Variants in CMIP observed in about 807,000 individuals in gnomAD.
CMIP encodes C-Maf-inducing protein.
CMIP carries 13 observed loss-of-function variants against 97.3 expected under a neutral mutation model. The observed-to-expected ratio is 0.13, with a 90% CI of 0.09 to 0.21. CMIP has a LOEUF of 0.21. Ranked by LOEUF, CMIP falls within the 10% of genes least tolerant of loss-of-function variation. The pLI is 1.00. For missense variants in CMIP, 847 were observed against 1,024.9 expected, an observed-to-expected ratio of 0.83 and a Z score of 2.37; for synonymous variants, 538 against 436.3, an observed-to-expected ratio of 1.23 and a Z score of -2.91.
chr16:81,456,364 T>C (rs1056930226), intron 1 of CMIP, among the ~76,000 whole-genome samples: 7 of 152,156 alleles, frequency 4.6e-5, no homozygotes, highest in African/African-American at 1.4e-4. Context: ...AGTTCAAGGT[T>C]ACACAGCTGG....
At chr16:81,634,541 C>T (rs889361907) in intron 3 of CMIP, among the ~76,000 whole-genome samples, 25 of 152,176 alleles carry the variant, frequency 1.6e-4, no homozygotes, top group Admixed American at 7.9e-4. Flanking sequence ...GTGGTGAACA[C>T]CATTGAACTC....
intron 19 of CMIP, among the ~76,000 whole-genome samples, chr16:81,706,439 G>A (rs1256383707): frequency 6.6e-6 from 1 of 152,234 alleles, no homozygotes; most frequent in African/African-American, 2.4e-5. Flanking sequence ...GAGCGGCAGC[G>A]CTCGGCCAGT....
chr16:81,654,349 G>A (rs2092461101), intron 4 of CMIP, among the ~76,000 whole-genome samples: 1 of 152,128 alleles, frequency 6.6e-6, no homozygotes, highest in African/African-American at 2.4e-5. Context: ...TGGGATTATA[G>A]GCATGAGCCA....
chr16:81,539,062 G>A (rs562574973), intron 1 of CMIP, among the ~76,000 whole-genome samples: 11 of 152,152 alleles, frequency 7.2e-5, no homozygotes, highest in African/African-American at 2.4e-4. Context: ...CACACCGATG[G>A]GCCGATTACC....
At chr16:81,648,936 T>A (rs1389683073) in intron 3 of CMIP, among the ~76,000 whole-genome samples, 1 of 150,858 alleles carries the variant, frequency 6.6e-6, no homozygotes, top group Non-Finnish European at 1.5e-5. Context: ...GAGTGAGCCC[T>A]CATTGCCTAT....
At chr16:81,597,603 G>T (rs1187265624) in intron 1 of CMIP, among the ~76,000 whole-genome samples, 1 of 150,890 alleles carries the variant, frequency 6.6e-6, no homozygotes, top group East Asian at 2.0e-4. Context: ...CGGGGGGGGG[G>T]GAGTCTCCCA....
intron 1 of CMIP, among the ~76,000 whole-genome samples, chr16:81,543,063 C>T (rs939845500): frequency 6.6e-6 from 1 of 152,108 alleles, no homozygotes; most frequent in Non-Finnish European, 1.5e-5. Flanking sequence ...GAGCCCTGCC[C>T]GCTGGAGCCC....
Position 81,705,615 on chromosome 16 carries a change from C to T in CMIP, c.2197+11C>T. The T allele has an allele frequency of 6.4e-7, 1 of 1,568,086 alleles. No homozygotes were observed. The highest frequency in any genetic ancestry group is 8.7e-7 in the Non-Finnish European group (1 of 1,153,912). On this transcript the variant is annotated intron_variant, in intron 19 of 20. Coordinates refer to ENST00000537098, the MANE Select transcript of CMIP (RefSeq NM_198390.3). ...TGCTGGCCCTGAGCTGTGAGTGCCTCCGGGGCAGCTGGGGGGTGAGGGGCC... is the reference window on the plus strand; with the variant it reads ...TGCTGGCCCTGAGCTGTGAGTGCCTTCGGGGCAGCTGGGGGGTGAGGGGCC...
intron 3 of CMIP, among the ~76,000 whole-genome samples, chr16:81,644,868 C>T (rs1459666456): frequency 6.6e-6 from 1 of 152,174 alleles, no homozygotes; most frequent in Non-Finnish European, 1.5e-5. Flanking sequence ...AGGAGGTAGG[C>T]AAGGGCCCTT....
In CMIP at chr16:81,487,601, T is replaced by A. The variant is rs565304580; in HGVS notation, c.300+42060T>A. On this transcript the variant is annotated intron_variant, in intron 1 of 20. Coordinates refer to ENST00000537098, the MANE Select transcript of CMIP (RefSeq NM_198390.3). ...GAGCGCAAGGCTCTGGGCTTTGTGGTCAGAGAGCGGCTGAGTTCAGATATC... is the reference window on the plus strand; with the variant it reads ...GAGCGCAAGGCTCTGGGCTTTGTGGACAGAGAGCGGCTGAGTTCAGATATC... Among the ~76,000 whole-genome samples the A allele has an allele frequency of 3.3e-5, 5 of 152,302 alleles. No individual in the cohort carries two copies. In the East Asian group the frequency reaches 9.7e-4, roughly 29 times the overall value.
chr16:81,520,611 A>AGAT (rs1372554281), intron 1 of CMIP: 31 of 141,636 alleles, frequency 2.2e-4, no homozygotes, highest in South Asian at 4.5e-4. Context: ...AGAAGATAGA[A>AGAT]AGAAAGAAAA....
chr16:81,511,362 C>G lies in CMIP; in HGVS notation c.300+65821C>G, dbSNP rs184521991. Among the ~76,000 whole-genome samples, 36 of 152,258 alleles carry G rather than the reference C, an allele frequency of 2.4e-4. 1 individual carries two copies. The highest frequency in any genetic ancestry group is 8.4e-4 in the African/African-American group (35 of 41,544). ...CTAGTTATTTCATTCATGATTTTTA[C>G]TATTGGTTTGCTCATTTAAGATTCC... On this transcript the variant is annotated intron_variant, in intron 1 of 20. Transcript: ENST00000537098.
intron 1 of CMIP, among the ~76,000 whole-genome samples, 198 bp downstream of exon 1, chr16:81,445,739 C>G (rs1305792837): frequency 6.6e-6 from 1 of 152,122 alleles, no homozygotes; most frequent in Non-Finnish European, 1.5e-5. Context: ...CCCAAACCAG[C>G]CGACCGGGCT....
intron 10 of CMIP, among the ~76,000 whole-genome samples, chr16:81,680,796 A>G (rs891850371): frequency 6.6e-6 from 1 of 152,218 alleles, no homozygotes; most frequent in African/African-American, 2.4e-5. Context: ...CCTCCAGGCC[A>G]GAGAGTGGCC....
chr16:81,452,900 TTTTTG>T (rs1906320451), intron 1 of CMIP, among the ~76,000 whole-genome samples: 1 of 149,356 alleles, frequency 6.7e-6, no homozygotes, highest in African/African-American at 2.5e-5. Flanking sequence ...TTTTTTTTTT[TTTTTG>T]CAAACCTGGC....
intron 1 of CMIP, among the ~76,000 whole-genome samples, chr16:81,580,787 ACT>A (rs775367292): frequency 1.3e-5 from 2 of 151,772 alleles, no homozygotes; most frequent in Non-Finnish European, 2.9e-5. Flanking sequence ...ACAGAGCGAG[ACT>A]CTGTCTCAAA....
chr16:81,550,959 T>A (rs1005221000), intron 1 of CMIP, among the ~76,000 whole-genome samples: 4 of 140,514 alleles, frequency 2.8e-5, no homozygotes, highest in Non-Finnish European at 6.1e-5. Context: ...CACACCCCAG[T>A]CCCGTCACAC....
At chr16:81,692,302 C>T (rs958321213) in intron 11 of CMIP, among the ~76,000 whole-genome samples, 8 of 152,222 alleles carry the variant, frequency 5.3e-5, no homozygotes, top group African/African-American at 7.2e-5. Flanking sequence ...CCCGGTACAA[C>T]GCTCAGCTCA....
At chr16:81,637,122 G>T (rs1002261676) in intron 3 of CMIP, among the ~76,000 whole-genome samples, 3 of 152,122 alleles carry the variant, frequency 2.0e-5, no homozygotes, top group African/African-American at 7.2e-5. Flanking sequence ...CCATGCTGGA[G>T]TGCAGTGGCA....
Sources: gnomAD v4.1 joint callset for allele counts (sites outside exome capture counted in the v4.1 genomes callset) on GRCh38, gnomAD v4.1.1 for gene constraint, MANE v1.5 for transcripts, NCBI Gene and HGNC (gene_info 2026-07-23, HGNC 2026-07-21) for gene names.